The following GSTM3 variants were observed in gnomAD, a reference collection of about 807,000 sequenced individuals.
The protein encoded by GSTM3 is GST class-mu 3.
In GSTM3, 34 loss-of-function variants were observed where a neutral mutation model predicts 36.1. That is an observed-to-expected ratio of 0.94 (90% CI 0.72 to 1.25). GSTM3 has a LOEUF of 1.25. Among genes scored for constraint, GSTM3 ranks in the 50% most tolerant of loss-of-function variants. The pLI is 0.00. For missense variants in GSTM3, 266 were observed against 281.6 expected (o/e 0.94, Z 0.40); for synonymous variants, 102 against 99.5 (o/e 1.03, Z -0.15).
chr1:109,736,263 A>G lies in GSTM3; in HGVS notation c.*808T>C, dbSNP rs751503600. The G allele has an allele frequency of 2.6e-5, 4 of 152,108 alleles. No homozygotes were observed. The highest frequency in any genetic ancestry group is 5.9e-5 in the Non-Finnish European group (4 of 68,018). 9.4% of individuals were successfully genotyped at this position (152,108 alleles called of 1,614,324 possible). A position where few individuals can be genotyped will look rare whatever the true frequency, so the allele number is the denominator to read the frequency against. Reference sequence around the variant, plus strand: ...TTAATGATTTATAGGTCTTTATATAATCTTTATACTAGTGCTTTTTGTCTC... The same window carrying G: ...TTAATGATTTATAGGTCTTTATATAGTCTTTATACTAGTGCTTTTTGTCTC... On this transcript the variant is annotated 3_prime_UTR_variant, in exon 9 of 9. Transcript: ENST00000361066.
chr1:109,741,022 C>G lies in GSTM3; in HGVS notation c.-294G>C, dbSNP rs1649368744. On this transcript the variant is annotated 5_prime_UTR_variant, in exon 1 of 9. Coordinates refer to ENST00000361066, the MANE Select transcript of GSTM3 (RefSeq NM_000849.5). Reference sequence around the variant, plus strand: ...TGAAATGTCTGCCTATTCCTTGAAGCCTTCTCAGAACCAACCTCTATCCTG... The same window carrying G: ...TGAAATGTCTGCCTATTCCTTGAAGGCTTCTCAGAACCAACCTCTATCCTG... 1 of 152,420 alleles carries G rather than the reference C, an allele frequency of 6.6e-6. No individual in the cohort carries two copies. Among genetic ancestry groups the G allele is most frequent in the African/African-American group, 2.4e-5 (1 of 41,478 alleles). 9.4% of individuals were successfully genotyped at this position (152,420 alleles called of 1,614,324 possible).
chr1:109,737,274 T>A, intron 8 of GSTM3, 105 bp from the exon 9 acceptor site: 2 of 892,302 alleles, frequency 2.2e-6, no homozygotes, highest in South Asian at 2.7e-5. Flanking sequence ...CTCCTCCATT[T>A]TTTTGTAGAC....
chr1:109,737,621 T>C, intron 7 of GSTM3, 35 bp downstream of exon 7: 7 of 1,514,140 alleles, frequency 4.6e-6, no homozygotes, highest in Non-Finnish European at 6.3e-6. Context: ...CCTGCAGAGA[T>C]AGAGAAGTAT....
rs1557978608 is a variant in GSTM3 at position 109,736,374 on chromosome 1, T to G, written c.*697A>C. 6.6e-6 allele frequency: 1 copy of G among 152,202 alleles called. No individual in the cohort carries two copies. Among genetic ancestry groups the G allele is most frequent in the Non-Finnish European group, 1.5e-5 (1 of 68,040 alleles). 9.4% of individuals were successfully genotyped at this position (152,202 alleles called of 1,614,324 possible). A position where few individuals can be genotyped will look rare whatever the true frequency, so the allele number is the denominator to read the frequency against. On this transcript the variant is annotated 3_prime_UTR_variant, in exon 9 of 9. Coordinates refer to ENST00000361066, the MANE Select transcript of GSTM3 (RefSeq NM_000849.5). Reference sequence around the variant, plus strand: ...GCAAATCTTTCCTTTGTGATTGTTATTATTTTAAAAAGTAAAAGAATAAAG... The same window carrying G: ...GCAAATCTTTCCTTTGTGATTGTTAGTATTTTAAAAAGTAAAAGAATAAAG...
In GSTM3 at chr1:109,740,520, G is replaced by C; in HGVS notation, c.-224-9C>G. The C allele has an allele frequency of 1.8e-6, 1 of 567,460 alleles. No individual in the cohort carries two copies. The allele number at this position is 567,460 out of a possible 1,614,324, so 35.2% of individuals were successfully genotyped here. ...GGACCCGGGCAGGAGTGCTGCAGGA[G>C]AGCAAAGGACCCGAGGTTGAGGCTC... On this transcript the variant is annotated splice_polypyrimidine_tract_variant and intron_variant, in intron 1 of 8. Coordinates refer to ENST00000361066, the MANE Select transcript of GSTM3 (RefSeq NM_000849.5).
At chr1:109,739,274 A>C (rs757849645) in intron 4 of GSTM3, among the ~76,000 whole-genome samples, 155 bp downstream of exon 4, 2 of 152,224 alleles carry the variant, frequency 1.3e-5, no homozygotes, top group Non-Finnish European at 2.9e-5. Context: ...ATGAAAATAC[A>C]TATCCATCCA....
chr1:109,740,476 G>A lies in GSTM3; in HGVS notation c.-189C>T. The A allele has an allele frequency of 1.7e-6, 1 of 602,212 alleles. No homozygotes were observed. 37.3% of individuals were successfully genotyped at this position (602,212 alleles called of 1,614,324 possible). A position where few individuals can be genotyped will look rare whatever the true frequency, so the allele number is the denominator to read the frequency against. ...ACTAATGCCGGCGTTGGGGTTCAGG[G>A]CCTGGCGACCCCGAGGCGGGACCCG... On this transcript the variant is annotated 5_prime_UTR_variant, in exon 2 of 9. Transcript: ENST00000361066.
chr1:109,739,356 G>T lies in GSTM3; in HGVS notation c.189+73C>A, dbSNP rs551306270. Reference sequence around the variant, plus strand: ...CCTATTTTGCATCCTTCTGTACCAGGCAGGAGAGAGGCAAGGATGGATATA... The same window carrying T: ...CCTATTTTGCATCCTTCTGTACCAGTCAGGAGAGAGGCAAGGATGGATATA... On this transcript the variant is annotated intron_variant, in intron 4 of 8. Transcript: ENST00000361066. 24 of 998,868 alleles carry T rather than the reference G, an allele frequency of 2.4e-5. No homozygotes were observed. The East Asian group carries it at 5.5e-4, about 23-fold the overall frequency. The allele number at this position is 998,868 out of a possible 1,614,324, so 61.9% of individuals were successfully genotyped here.
chr1:109,740,638 G>C (rs544819785), intron 1 of GSTM3, 127 bp from the exon 2 acceptor site: 1 of 312,550 alleles, frequency 3.2e-6, no homozygotes, highest in Admixed American at 4.8e-5. Context: ...GGGGACCCTA[G>C]TTACCCAGGG....
At chr1:109,739,385 G>A (rs537537161) in intron 4 of GSTM3, 44 bp downstream of exon 4, 44 of 1,390,202 alleles carry the variant, frequency 3.2e-5, no homozygotes, top group Non-Finnish European at 4.2e-5. Context: ...GGATATACTT[G>A]AAGGCTTTCC....
intron 4 of GSTM3, among the ~76,000 whole-genome samples, chr1:109,739,077 C>T (rs888597111): frequency 2.0e-5 from 3 of 152,094 alleles, no homozygotes; most frequent in African/African-American, 4.8e-5. Flanking sequence ...GCTGTGATTG[C>T]GCCACTGCAC....
rs1649271353 is a variant in GSTM3 at position 109,738,361 on chromosome 1, G to C, written c.195C>G (p.Pro65=). 1.2e-6 allele frequency: 2 copies of C among 1,612,260 alleles called. No homozygotes were observed. The highest frequency in any genetic ancestry group is 2.7e-5 in the African/African-American group (2 of 74,902). The change falls in exon 5 of 9, where the codon CCC becomes CCG. Residue 65 remains proline, a synonymous_variant. Coordinates refer to ENST00000361066, the MANE Select transcript of GSTM3 (RefSeq NM_000849.5). ...TCTTGTTCTTCCCATCCAGGAGGTA[G>C]GGCAGCTGAAAGGAAAAGGACAGGA... is the stretch of plus-strand genomic sequence containing the variant. ...FKLDLDFPNL[P]YLLDGKNKIT...
At position 109,739,663 on chromosome 1, in the gene GSTM3, T is replaced by C. The variant is rs56188623; in HGVS notation, c.124+170A>G. Among the ~76,000 whole-genome samples the C allele has an allele frequency of 2.0e-5, 3 of 152,234 alleles. No homozygotes were observed. In the East Asian group the frequency reaches 5.8e-4, roughly 29 times the overall value. Reference sequence around the variant, plus strand: ...GTTAAGCATTAAGACGGGTTTGGGCTATGTTAAAAAGAGAACCCCCAGTTC... The same window carrying C: ...GTTAAGCATTAAGACGGGTTTGGGCCATGTTAAAAAGAGAACCCCCAGTTC... On this transcript the variant is annotated intron_variant, in intron 3 of 8. Transcript: ENST00000361066.
rs1259179078 is a variant in GSTM3 at position 109,735,506 on chromosome 1, C to T, written c.*1565G>A. ...GGGGATCTTTGCATGTTAGTTCACA[C>T]AGTTCAGTCTCATTCTTCCGTTGCC... On this transcript the variant is annotated 3_prime_UTR_variant, in exon 9 of 9. Transcript: ENST00000361066. 1 of 152,122 alleles carries T rather than the reference C, an allele frequency of 6.6e-6. No homozygotes were observed. The highest frequency in any genetic ancestry group is 1.5e-5 in the Non-Finnish European group (1 of 68,054). The allele number at this position is 152,122 out of a possible 1,614,324, so 9.4% of individuals were successfully genotyped here. A position where few individuals can be genotyped will look rare whatever the true frequency, so the allele number is the denominator to read the frequency against.
chr1:109,739,099 C>T lies in GSTM3; in HGVS notation c.189+330G>A, dbSNP rs56384532. 1.1e-3 allele frequency among the ~76,000 whole-genome samples: 162 copies of T among 152,132 alleles called. 1 individual carries two copies. Among genetic ancestry groups the T allele is most frequent in the African/African-American group, 3.8e-3 (157 of 41,486 alleles). ...TTGCGCCACTGCACTCCAGCCTGAG[C>T]GACAGAGTGAGACACTGTCTCAAAA... On this transcript the variant is annotated intron_variant, in intron 4 of 8. Coordinates refer to ENST00000361066, the MANE Select transcript of GSTM3 (RefSeq NM_000849.5).
rs1445332362 is a variant in GSTM3 at position 109,736,081 on chromosome 1, TTAGA to T, written c.*986_*989del. 1 of 152,222 alleles carries T rather than the reference TTAGA, an allele frequency of 6.6e-6. No homozygotes were observed. The highest frequency in any genetic ancestry group is 2.4e-5 in the African/African-American group (1 of 41,458). 9.4% of individuals were successfully genotyped at this position (152,222 alleles called of 1,614,324 possible). ...CACTTTCCTAAGCCTTGCCAACACTTTAGAAACTTTTTACTCATCGGATAGAAGG... is the reference window on the plus strand; with the variant it reads ...CACTTTCCTAAGCCTTGCCAACACTTAACTTTTTACTCATCGGATAGAAGG... On this transcript the variant is annotated 3_prime_UTR_variant, in exon 9 of 9. Transcript: ENST00000361066.
chr1:109,738,407 C>A, intron 4 of GSTM3, 41 bp from the exon 5 acceptor site: 15 of 1,265,544 alleles, frequency 1.2e-5, no homozygotes, highest in Non-Finnish European at 1.7e-5. Context: ...ACCTGCCTCT[C>A]TCTTGATTCC....
At chr1:109,739,759 C>T in intron 3 of GSTM3, 74 bp downstream of exon 3, 1 of 1,189,720 alleles carries the variant, frequency 8.4e-7, no homozygotes, top group South Asian at 1.3e-5. Context: ...GCGACGCCAC[C>T]ACCCTCTGGG....
chr1:109,739,550 G>T, intron 3 of GSTM3, 57 bp from the exon 4 acceptor site: 1 of 1,258,680 alleles, frequency 7.9e-7, no homozygotes, highest in Non-Finnish European at 1.2e-6. Flanking sequence ...CCTGACAAGA[G>T]CAAAAGATCT....
Sources: gnomAD v4.1 joint callset for allele counts (sites outside exome capture counted in the v4.1 genomes callset) on GRCh38, gnomAD v4.1.1 for gene constraint, MANE v1.5 for transcripts, NCBI Gene and HGNC (gene_info 2026-07-23, HGNC 2026-07-21) for gene names.